Variants in UBA6 observed in about 807,000 individuals in gnomAD.
UBA6 encodes ubiquitin like modifier activating enzyme 6.
In UBA6, 87 loss-of-function variants were observed where a neutral mutation model predicts 148.3. The observed-to-expected ratio is 0.59, with a 90% confidence interval of 0.49 to 0.70. The LOEUF is 0.70. UBA6 is among the 30% of genes least tolerant of loss of function. The probability of loss-of-function intolerance (pLI) is 0.00; values close to 1 mark genes in which losing one functional copy is unlikely to be tolerated. For synonymous variants in UBA6, 376 were observed against 401.0 expected, an observed-to-expected ratio of 0.94 and a Z score of 0.75; for missense variants, 1,186 against 1,241.2, an observed-to-expected ratio of 0.96 and a Z score of 0.67.
In UBA6 at chr4:67,612,827, A is replaced by C. The variant is rs934956894; in HGVS notation, c.*6170T>G. 6.6e-6 allele frequency: 1 copy of C among 152,206 alleles called. No homozygotes were observed. Among genetic ancestry groups the C allele is most frequent in the Non-Finnish European group, 1.5e-5 (1 of 68,032 alleles). The allele number at this position is 152,206 out of a possible 1,614,324, so 9.4% of individuals were successfully genotyped here. A position where few individuals can be genotyped will look rare whatever the true frequency, so the allele number is the denominator to read the frequency against. ...AAATATACTTTTCAAAGATGTAGGA[A>C]GGCAGCAGGGAGCTGATAAGTTGGT... On this transcript the variant is annotated 3_prime_UTR_variant, in exon 33 of 33. Transcript: ENST00000322244.
chr4:67,661,925 A>C (rs1729868394), intron 13 of UBA6: 2 of 428,596 alleles, frequency 4.7e-6, no homozygotes, highest in South Asian at 1.7e-4. Context: ...AGTTAAAAAA[A>C]TAGCAGCAAA....
chr4:67,683,109 T>C (rs568581018), intron 2 of UBA6, among the ~76,000 whole-genome samples: 12 of 152,280 alleles, frequency 7.9e-5, no homozygotes, highest in African/African-American at 2.9e-4. Flanking sequence ...TAATAAAACC[T>C]AAACTTTTCT....
chr4:67,691,015 A>T (rs779428808), intron 2 of UBA6, among the ~76,000 whole-genome samples: 1 of 152,202 alleles, frequency 6.6e-6, no homozygotes, highest in Non-Finnish European at 1.5e-5. Flanking sequence ...CTATATGACA[A>T]TGTACACAGA....
At chr4:67,662,317 T>C (rs1729880958) in intron 12 of UBA6, 62 bp from the exon 13 acceptor site, 3 of 1,407,536 alleles carry the variant, frequency 2.1e-6, no homozygotes, top group Middle Eastern at 1.9e-4. Context: ...CAGTAGGACA[T>C]ACTCAAAATT....
chr4:67,664,315 C>A (rs1393400982), intron 10 of UBA6, among the ~76,000 whole-genome samples: 3 of 151,488 alleles, frequency 2.0e-5, no homozygotes, highest in African/African-American at 7.3e-5. Flanking sequence ...ACAAATGAAA[C>A]CCCCCCTAAA....
intron 13 of UBA6, among the ~76,000 whole-genome samples, chr4:67,651,943 A>G (rs1226490464): frequency 6.6e-6 from 1 of 152,018 alleles, no homozygotes; most frequent in African/African-American, 2.4e-5. Context: ...ATAAAACTAC[A>G]AAAGAGTGCA....
chr4:67,665,438 T>TGG (rs67116611), intron 9 of UBA6, 146 bp from the exon 10 acceptor site: 1 of 528,528 alleles, frequency 1.9e-6, no homozygotes, highest in Non-Finnish European at 3.2e-6. Flanking sequence ...TTTGTTTTTT[T>TGG]TTTTTTTTAA....
At chr4:67,629,972 T>C (rs1221505523) in intron 26 of UBA6, among the ~76,000 whole-genome samples, 2 of 152,070 alleles carry the variant, frequency 1.3e-5, no homozygotes, top group African/African-American at 4.8e-5. Context: ...CTTTAGATGT[T>C]AGTCAATGAA....
At position 67,668,448 on chromosome 4, in the gene UBA6, G is replaced by A. The variant is rs2109938095; in HGVS notation, c.793+103C>T. 3 of 1,102,718 alleles carry A rather than the reference G, an allele frequency of 2.7e-6. No individual in the cohort carries two copies. In the Admixed American group the frequency reaches 6.7e-5, roughly 25 times the overall value. The allele number at this position is 1,102,718 out of a possible 1,614,324, so 68.3% of individuals were successfully genotyped here. On this transcript the variant is annotated intron_variant, in intron 9 of 32. Transcript: ENST00000322244. ...CGAATATTTTGAGGCCAAGGGCTTT[G>A]GATCATGTCTCTCTGAGTTGACATT...
intron 19 of UBA6, among the ~76,000 whole-genome samples, chr4:67,636,732 C>T (rs935261064): frequency 4.6e-5 from 7 of 152,338 alleles, no homozygotes; most frequent in Non-Finnish European, 7.3e-5. Context: ...GGCGTGATCT[C>T]GGCTAGCTAC....
intron 17 of UBA6, 39 bp from the exon 18 acceptor site, chr4:67,641,267 T>C (rs1365258603): frequency 3.4e-6 from 4 of 1,191,668 alleles, no homozygotes; most frequent in Non-Finnish European, 4.9e-6. Flanking sequence ...ACATAATGGA[T>C]ACCTTTTAAT....
intron 23 of UBA6, among the ~76,000 whole-genome samples, chr4:67,632,624 G>C (rs1729025838): frequency 6.6e-6 from 1 of 152,216 alleles, no homozygotes; most frequent in African/African-American, 2.4e-5. Flanking sequence ...GGGTAAAGAA[G>C]TGGTAACATT....
intron 23 of UBA6, among the ~76,000 whole-genome samples, chr4:67,632,765 AG>A (rs746809207): frequency 3.9e-5 from 6 of 152,184 alleles, no homozygotes; most frequent in Non-Finnish European, 7.4e-5. Flanking sequence ...GGGCTGAGGC[AG>A]GGATCACTTG....
chr4:67,685,453 A>G (rs2711146), intron 2 of UBA6, among the ~76,000 whole-genome samples: 17,644 of 152,174 alleles, frequency 0.12, 1,447 homozygotes, highest in African/African-American at 0.23. Context: ...AATCATACCC[A>G]ATTTAGATGA....
In UBA6 at chr4:67,678,495, C is replaced by A; in HGVS notation, c.297G>T (p.Trp99Cys). ...TGAGAAAGAAGTTGGTTCCTAGATC[C>A]CATGCTTGGCATTTTTCTGTATCAT... ...TIHDTEKCQA[W>C]DLGTNFFLSE... is the part of the protein sequence containing the mutation. The change falls in exon 5 of 33, where the codon TGG becomes TGT. Residue 99 changes from tryptophan (W) to cysteine (C), a missense_variant. Physicochemically the swap from Trp to Cys is radical, Grantham distance 215. Coordinates refer to ENST00000322244, the MANE Select transcript of UBA6 (RefSeq NM_018227.6). The A allele has an allele frequency of 6.3e-7, 1 of 1,596,840 alleles. No individual in the cohort carries two copies. Among genetic ancestry groups the A allele is most frequent in the Non-Finnish European group, 8.5e-7 (1 of 1,169,982 alleles).
At position 67,665,277 on chromosome 4, in the gene UBA6, GA is replaced by G; in HGVS notation, c.808del (p.Ser270LeufsTer18). The G allele has an allele frequency of 6.3e-7, 1 of 1,596,348 alleles. No individual in the cohort carries two copies. The highest frequency in any genetic ancestry group is 1.2e-5 in the South Asian group (1 of 85,946). The part of the protein sequence containing the change: ...IQQITVISPF[S>X]FSIGDTTELE... ...TTCTGTGGTGTCACCAATACTAAAA[GA>G]AAATGGCGATATCACTAGAAGACAA... On this transcript the variant is annotated frameshift_variant, in exon 10 of 33. Transcript: ENST00000322244. LOFTEE classifies it high-confidence loss of function.
chr4:67,631,174 C>T (rs1728988995), intron 25 of UBA6, among the ~76,000 whole-genome samples: 1 of 151,874 alleles, frequency 6.6e-6, no homozygotes, highest in Admixed American at 6.6e-5. Context: ...CAGGCTGGGC[C>T]ACATATGTGA....
At chr4:67,684,277 T>G (rs1357989760) in intron 2 of UBA6, among the ~76,000 whole-genome samples, 1 of 152,204 alleles carries the variant, frequency 6.6e-6, no homozygotes, top group African/African-American at 2.4e-5. Flanking sequence ...CCTACACTAA[T>G]AAATCTAATT....
At chr4:67,691,154 G>A (rs1224016972) in intron 2 of UBA6, among the ~76,000 whole-genome samples, 1 of 151,192 alleles carries the variant, frequency 6.6e-6, no homozygotes, top group African/African-American at 2.4e-5. Context: ...AAAAACTCAC[G>A]GATGAACTTT....
Sources: gnomAD v4.1 joint callset for allele counts (sites outside exome capture counted in the v4.1 genomes callset) on GRCh38, gnomAD v4.1.1 for gene constraint, MANE v1.5 for transcripts, NCBI Gene and HGNC (gene_info 2026-07-23, HGNC 2026-07-21) for gene names.